PACSIN2: variants seen among roughly 807,000 people sequenced by gnomAD.
PACSIN2 encodes protein kinase C and casein kinase substrate in neurons 2.
Under a neutral mutation model 63.8 loss-of-function variants are expected in PACSIN2, and 25 were observed. The ratio of observed to expected loss-of-function variants is 0.39; its 90% CI spans 0.29 to 0.55. The LOEUF (loss-of-function observed/expected upper bound fraction) is 0.55. PACSIN2 is among the 20% of genes least tolerant of loss of function. The pLI is 0.62. For missense variants in PACSIN2, 518 were observed against 646.9 expected (o/e 0.80, Z 2.16); for synonymous variants, 255 against 256.2 (o/e 1.00, Z 0.05).
At chr22:42,921,487 T>TA (rs1932193496) in intron 1 of PACSIN2, among the ~76,000 whole-genome samples, 1 of 152,134 alleles carries the variant, frequency 6.6e-6, no homozygotes, top group South Asian at 2.1e-4. Flanking sequence ...CTCTCCCATT[T>TA]AGGGGAAGGG....
chr22:42,997,738 G>A (rs951298083), intron 1 of PACSIN2, among the ~76,000 whole-genome samples: 6 of 151,822 alleles, frequency 4.0e-5, no homozygotes, highest in African/African-American at 9.7e-5. Flanking sequence ...GCATGGTGGC[G>A]CATGCCTGTG....
chr22:42,935,941 C>T (rs1406382064), intron 1 of PACSIN2, among the ~76,000 whole-genome samples: 1 of 152,120 alleles, frequency 6.6e-6, no homozygotes. Flanking sequence ...CAGCAGGGCA[C>T]GGTGGCTCAC....
At chr22:43,001,923 GACCCTGGCAAATGAGCC>G (rs1458513606) in intron 1 of PACSIN2, among the ~76,000 whole-genome samples, 17 of 152,280 alleles carry the variant, frequency 1.1e-4, no homozygotes, top group African/African-American at 3.9e-4. Context: ...GTCCTTTGCA[GACCCTGGCAAATGAGCC>G]ACCAGGAAAA....
chr22:42,929,019 A>G (rs1156674314), intron 1 of PACSIN2, among the ~76,000 whole-genome samples: 2 of 152,254 alleles, frequency 1.3e-5, no homozygotes, highest in East Asian at 3.8e-4. Flanking sequence ...TATAAGCAGG[A>G]GATTATGGAA....
intron 1 of PACSIN2, among the ~76,000 whole-genome samples, chr22:43,001,727 A>G (rs1923780676): frequency 6.6e-6 from 1 of 152,236 alleles, no homozygotes; most frequent in Admixed American, 6.5e-5. Context: ...GGAACCAAGA[A>G]AAGTAAGCTT....
intron 1 of PACSIN2, among the ~76,000 whole-genome samples, chr22:42,928,546 G>A (rs2267476): frequency 0.2 from 30,627 of 152,124 alleles, 5,309 homozygotes; most frequent in East Asian, 0.73. Context: ...CCTTTAATAT[G>A]TAAGTTGTCA....
At position 42,890,971 on chromosome 22, in the gene PACSIN2, C is replaced by A; in HGVS notation, c.429G>T (p.Lys143Asn). 6.2e-7 allele frequency: 1 copy of A among 1,614,132 alleles called. No homozygotes were observed. Among genetic ancestry groups the A allele is most frequent in the Non-Finnish European group, 8.5e-7 (1 of 1,180,006 alleles). ...EAEDGFRKAQ[K>N]PWAKKLKEVE... Reference sequence around the variant, plus strand: ...CCTCTTTCAGCTTCTTGGCCCAGGGCTTCTGTGCCTTCCGAAAGCCGTCCT... The same window carrying A: ...CCTCTTTCAGCTTCTTGGCCCAGGGATTCTGTGCCTTCCGAAAGCCGTCCT... Residue 143 changes from lysine to asparagine, a missense_variant, in exon 4 of 11, where the codon AAG (lysine) becomes AAT (asparagine). Coordinates refer to ENST00000263246, the MANE Select transcript of PACSIN2 (RefSeq NM_001184970.3).
intron 1 of PACSIN2, among the ~76,000 whole-genome samples, chr22:42,937,847 T>C (rs889532174): frequency 2.6e-5 from 4 of 152,134 alleles, no homozygotes; most frequent in African/African-American, 9.7e-5. Context: ...CACACAGACA[T>C]GGAGCCCCGC....
At chr22:42,873,123 C>T (rs755140790) in intron 10 of PACSIN2, among the ~76,000 whole-genome samples, 10 of 152,164 alleles carry the variant, frequency 6.6e-5, no homozygotes, top group Admixed American at 4.6e-4. Context: ...GAAAATAGAA[C>T]GGACAGGAAA....
At chr22:42,941,606 C>G (rs1395039846) in intron 1 of PACSIN2, among the ~76,000 whole-genome samples, 2 of 152,172 alleles carry the variant, frequency 1.3e-5, no homozygotes, top group African/African-American at 4.8e-5. Flanking sequence ...AGTGATATCT[C>G]ATTGTGATTT....
chr22:42,896,359 C>T (rs1029159965), intron 2 of PACSIN2, among the ~76,000 whole-genome samples: 4 of 55,154 alleles, frequency 7.3e-5, no homozygotes, highest in African/African-American at 2.3e-4. Context: ...TTTCTTACTG[C>T]TAAGTAGTAT....
At chr22:42,917,534 G>A (rs895699273) in intron 1 of PACSIN2, among the ~76,000 whole-genome samples, 1 of 152,078 alleles carries the variant, frequency 6.6e-6, no homozygotes, top group Non-Finnish European at 1.5e-5. Context: ...AGGATTGCTT[G>A]AGCCCAGTAG....
intron 2 of PACSIN2, 134 bp from the exon 3 acceptor site, chr22:42,893,747 T>G (rs1930089011): frequency 1.3e-6 from 1 of 774,114 alleles, no homozygotes; most frequent in African/African-American, 1.7e-5. Flanking sequence ...CTCCAAGAGT[T>G]TGAAAGGCAC....
chr22:42,937,161 A>G (rs1303423767), intron 1 of PACSIN2, among the ~76,000 whole-genome samples: 1 of 152,168 alleles, frequency 6.6e-6, no homozygotes, highest in Admixed American at 6.5e-5. Context: ...TGCTATGCAG[A>G]GAAATAAGCG....
intron 1 of PACSIN2, among the ~76,000 whole-genome samples, chr22:42,913,968 G>A (rs936785582): frequency 1.3e-5 from 2 of 152,242 alleles, no homozygotes; most frequent in Non-Finnish European, 1.5e-5. Flanking sequence ...ACACACTGCT[G>A]TGCAGCAACA....
chr22:42,879,878 G>C (rs1928941293), intron 7 of PACSIN2, among the ~76,000 whole-genome samples: 1 of 152,182 alleles, frequency 6.6e-6, no homozygotes, highest in Non-Finnish European at 1.5e-5. Context: ...GCTGCCCTGG[G>C]ACTTTTCCTC....
intron 2 of PACSIN2, among the ~76,000 whole-genome samples, chr22:42,900,045 C>A (rs2002595): frequency 0.45 from 67,821 of 151,856 alleles, 15,685 homozygotes; most frequent in Non-Finnish European, 0.48. Flanking sequence ...CATCTCAGCT[C>A]TCTGTGAAGT....
intron 1 of PACSIN2, among the ~76,000 whole-genome samples, chr22:42,952,788 G>A (rs1933758195): frequency 2.0e-5 from 3 of 151,772 alleles, no homozygotes; most frequent in Non-Finnish European, 4.4e-5. Context: ...TCAGCCTCCC[G>A]AGTAGCTGGG....
chr22:42,891,261 A>G (rs1017944438), intron 3 of PACSIN2, 79 bp from the exon 4 acceptor site: 31 of 879,142 alleles, frequency 3.5e-5, no homozygotes, highest in South Asian at 2.6e-4. Context: ...CGGCTGTTCA[A>G]TGTGGCCATT....
Sources: gnomAD v4.1 joint callset for allele counts (sites outside exome capture counted in the v4.1 genomes callset) on GRCh38, gnomAD v4.1.1 for gene constraint, MANE v1.5 for transcripts, NCBI Gene and HGNC (gene_info 2026-07-23, HGNC 2026-07-21) for gene names.